SESTD1: variants seen among roughly 807,000 people sequenced by gnomAD.
SESTD1 encodes the protein SEC14 and spectrin domain containing 1, also known as SEC14 domain and spectrin repeat-containing protein 1.
Under a neutral mutation model 101.7 loss-of-function variants are expected in SESTD1, and 43 were observed. That is an observed-to-expected ratio of 0.42 (90% CI 0.33 to 0.55). The LOEUF (loss-of-function observed/expected upper bound fraction) is 0.55. Among genes scored for constraint, SESTD1 ranks in the 20% least tolerant of loss-of-function variants. The pLI, the probability that SESTD1 is intolerant of heterozygous loss-of-function variation, is 0.07. For synonymous variants in SESTD1, 283 were observed against 286.8 expected (o/e 0.99, Z 0.13); for missense variants, 647 against 815.1 (o/e 0.79, Z 2.51).
chr2:179,204,747 C>G (rs2046568801), intron 1 of SESTD1, among the ~76,000 whole-genome samples: 1 of 135,208 alleles, frequency 7.4e-6, no homozygotes, highest in African/African-American at 2.9e-5. Context: ...TTTACACCAT[C>G]AGCACAAATG....
Position 179,124,357 on chromosome 2 carries a change from C to T in SESTD1, c.1167+7G>A, listed in dbSNP as rs1052240717. The T allele has an allele frequency of 3.7e-6, 6 of 1,612,186 alleles. No homozygotes were observed. Among genetic ancestry groups the T allele is most frequent in the Middle Eastern group, 1.6e-4 (1 of 6,076 alleles). Reference sequence around the variant, plus strand: ...AAGAAAAGAAAAGAATCAGAATAGACACTTACATCTTGGGCAACACCATGA... The same window carrying T: ...AAGAAAAGAAAAGAATCAGAATAGATACTTACATCTTGGGCAACACCATGA... On this transcript the variant is annotated splice_region_variant and intron_variant, in intron 11 of 17. Coordinates refer to ENST00000428443, the MANE Select transcript of SESTD1 (RefSeq NM_178123.5).
chr2:179,134,795 C>A (rs903832943), intron 9 of SESTD1, among the ~76,000 whole-genome samples: 3 of 152,092 alleles, frequency 2.0e-5, no homozygotes, highest in African/African-American at 7.2e-5. Flanking sequence ...CTGTAAATAA[C>A]CTCTACAAGG....
At chr2:179,218,867 A>G (rs978813972) in intron 1 of SESTD1, among the ~76,000 whole-genome samples, 3 of 152,248 alleles carry the variant, frequency 2.0e-5, no homozygotes, top group African/African-American at 7.2e-5. Flanking sequence ...TAACAGATTG[A>G]CAGAAGTCCA....
chr2:179,231,919 C>T (rs1031257849), intron 1 of SESTD1, among the ~76,000 whole-genome samples: 1 of 151,852 alleles, frequency 6.6e-6, no homozygotes, highest in Admixed American at 6.6e-5. Flanking sequence ...ATCGTGTATG[C>T]CTATCATCAC....
intron 1 of SESTD1, among the ~76,000 whole-genome samples, chr2:179,223,799 T>C (rs527446636): frequency 1.3e-5 from 2 of 152,340 alleles, no homozygotes; most frequent in Admixed American, 1.3e-4. Flanking sequence ...TTTATGTTCA[T>C]AGATTGTCCA....
rs750528520 is a variant in SESTD1 at position 179,243,944 on chromosome 2, G to GTATATA, written c.-26+20549_-26+20554dup. 3.0e-3 allele frequency among the ~76,000 whole-genome samples: 412 copies of GTATATA among 139,352 alleles called. 1 individual carries two copies. The highest frequency in any genetic ancestry group is 0.011 in the African/African-American group (392 of 35,836). The allele number at this position is 139,352 out of a possible 152,430, so 91.4% of individuals were successfully genotyped here. ...ATTAAAAATATATATATATGTGTGT[G>GTATATA]TATATATATATATATATACACACAC... On this transcript the variant is annotated intron_variant, in intron 1 of 17. Coordinates refer to ENST00000428443, the MANE Select transcript of SESTD1 (RefSeq NM_178123.5).
chr2:179,170,245 A>G (rs1195509975), intron 5 of SESTD1, among the ~76,000 whole-genome samples: 2 of 151,904 alleles, frequency 1.3e-5, no homozygotes, highest in South Asian at 2.1e-4. Flanking sequence ...GGACTTCATC[A>G]TAGTTAAAAA....
chr2:179,183,053 T>G, intron 3 of SESTD1, 27 bp downstream of exon 3: 2 of 1,457,596 alleles, frequency 1.4e-6, no homozygotes, highest in Non-Finnish European at 1.9e-6. Flanking sequence ...CATACTGAGA[T>G]TTAAGAAAAG....
At chr2:179,188,699 C>A (rs1180487424) in intron 2 of SESTD1, among the ~76,000 whole-genome samples, 1 of 152,010 alleles carries the variant, frequency 6.6e-6, no homozygotes, top group East Asian at 1.9e-4. Flanking sequence ...CAACAGACCA[C>A]TAGCTAGACT....
In SESTD1 at chr2:179,153,425, C is replaced by T. The variant is rs7557456; in HGVS notation, c.370-2034G>A. 8.5e-3 allele frequency among the ~76,000 whole-genome samples: 1,288 copies of T among 152,210 alleles called. 10 individuals carry two copies. Among genetic ancestry groups the T allele is most frequent in the African/African-American group, 0.029 (1,197 of 41,504 alleles). On this transcript the variant is annotated intron_variant, in intron 5 of 17. Coordinates refer to ENST00000428443, the MANE Select transcript of SESTD1 (RefSeq NM_178123.5). ...GGAGAGAAAAAGCATCCTTACAGTG[C>T]TCGTTTTAAATTGGAAGTATCAGTT...
chr2:179,112,050 T>C (rs572465291), intron 17 of SESTD1, among the ~76,000 whole-genome samples: 1 of 152,306 alleles, frequency 6.6e-6, no homozygotes, highest in South Asian at 2.1e-4. Flanking sequence ...CCTGATCCAT[T>C]TATTTTGCAT....
intron 3 of SESTD1, among the ~76,000 whole-genome samples, chr2:179,178,583 C>T (rs1480244978): frequency 6.6e-6 from 1 of 152,136 alleles, no homozygotes; most frequent in Non-Finnish European, 1.5e-5. Context: ...TCTAAGAAGA[C>T]CACCATGACA....
chr2:179,143,623 T>C lies in SESTD1; in HGVS notation c.818A>G (p.Gln273Arg). ...EVCRQRSKRT[Q>R]LEEIQQKVMQ... The stretch of plus-strand genomic sequence containing the variant: ...TACCTTCTGTTGAATCTCTTCTAAC[T>C]GTGTGCGCTTGCTACGTTGCCTACA... Residue 273 changes from glutamine to arginine, a missense_variant, in exon 9 of 18, where the codon CAG becomes CGG. Physicochemically the swap from Gln to Arg is conservative, Grantham distance 43 (BLOSUM62 1). Coordinates refer to ENST00000428443, the MANE Select transcript of SESTD1 (RefSeq NM_178123.5). The C allele has an allele frequency of 6.2e-7, 1 of 1,613,982 alleles. No homozygotes were observed. The highest frequency in any genetic ancestry group is 8.5e-7 in the Non-Finnish European group (1 of 1,179,888).
intron 1 of SESTD1, chr2:179,264,272 CTG>C (rs1000864261): frequency 1.3e-5 from 2 of 151,528 alleles, no homozygotes; most frequent in Admixed American, 1.3e-4. Flanking sequence ...GGCGCTTTGT[CTG>C]TGGCGGCAAG....
chr2:179,218,680 T>C (rs559319830), intron 1 of SESTD1, among the ~76,000 whole-genome samples: 51 of 152,368 alleles, frequency 3.3e-4, no homozygotes, highest in Non-Finnish European at 6.2e-4. Flanking sequence ...TAGGTTTCCA[T>C]GGATATTTGT....
At chr2:179,252,237 C>T (rs928241929) in intron 1 of SESTD1, among the ~76,000 whole-genome samples, 8 of 152,210 alleles carry the variant, frequency 5.3e-5, no homozygotes, top group African/African-American at 1.7e-4. Flanking sequence ...TCCACTCACT[C>T]TATTTCTAAT....
At chr2:179,237,381 T>G (rs1400960306) in intron 1 of SESTD1, among the ~76,000 whole-genome samples, 1 of 152,188 alleles carries the variant, frequency 6.6e-6, no homozygotes, top group Non-Finnish European at 1.5e-5. Context: ...TTTGGGGGAC[T>G]TGGCGTAATT....
intron 1 of SESTD1, among the ~76,000 whole-genome samples, chr2:179,260,847 G>T (rs544004576): frequency 1.3e-5 from 2 of 152,104 alleles, no homozygotes; most frequent in Non-Finnish European, 2.9e-5. Context: ...AAACATGTCT[G>T]TATGTATGGT....
chr2:179,238,894 CCTAA>C (rs2047108499), intron 1 of SESTD1, among the ~76,000 whole-genome samples: 1 of 151,936 alleles, frequency 6.6e-6, no homozygotes, highest in South Asian at 2.1e-4. Flanking sequence ...TTTTCTTATC[CCTAA>C]CTGCTTTTAT....
Sources: gnomAD v4.1 joint callset for allele counts (sites outside exome capture counted in the v4.1 genomes callset) on GRCh38, gnomAD v4.1.1 for gene constraint, MANE v1.5 for transcripts, NCBI Gene and HGNC (gene_info 2026-07-23, HGNC 2026-07-21) for gene names.